Variants in ABCC12 observed in about 807,000 individuals in gnomAD.
The protein encoded by ABCC12 is ATP binding cassette subfamily C member 12, also known as ATP-binding cassette sub-family C member 12.
ABCC12 carries 142 observed loss-of-function variants against 151.1 expected under a neutral mutation model. That is an observed-to-expected ratio of 0.94 (90% CI 0.82 to 1.08). The LOEUF is 1.08. Among genes scored for constraint, ABCC12 ranks in the 50% least tolerant of loss-of-function variants. The pLI, the probability that ABCC12 is intolerant of heterozygous loss-of-function variation, is 0.00. For missense variants in ABCC12, 1,638 were observed against 1,691.1 expected, an observed-to-expected ratio of 0.97 and a Z score of 0.55; for synonymous variants, 645 against 646.4, an observed-to-expected ratio of 1.00 and a Z score of 0.03.
chr16:48,133,544 A>AAG, intron 9 of ABCC12, 143 bp downstream of exon 9: 1 of 896,748 alleles, frequency 1.1e-6, no homozygotes, highest in Non-Finnish European at 1.6e-6. Context: ...AAAAAAAAAA[A>AAG]GTTGGAGTTG....
chr16:48,128,510 T>C lies in ABCC12; in HGVS notation c.1464A>G (p.Gln488=), dbSNP rs1964313803. The change falls in exon 11 of 31, where the codon CAA becomes CAG. Residue 488 remains glutamine, a synonymous_variant. Coordinates refer to ENST00000311303, the MANE Select transcript of ABCC12 (RefSeq NM_001393797.1). ...GCAGAACCGATTTGAGGCTGTCACT[T>C]TGCTCCTCTGGGCCAGTGGCTCCCT... ...PAKGATGPEE[Q]SDSLKSVLHS... 3 of 1,614,240 alleles carry C rather than the reference T, an allele frequency of 1.9e-6. No homozygotes were observed. Among genetic ancestry groups the C allele is most frequent in the Non-Finnish European group, 2.5e-6 (3 of 1,180,046 alleles).
intron 2 of ABCC12, among the ~76,000 whole-genome samples, chr16:48,151,336 A>G (rs1210969131): frequency 2.0e-5 from 3 of 152,242 alleles, no homozygotes; most frequent in Non-Finnish European, 4.4e-5. Context: ...ACTCCTCAAA[A>G]CTGTCAAGGT....
intron 12 of ABCC12, 87 bp downstream of exon 12, chr16:48,124,126 A>ACG (rs1964159839): frequency 7.1e-7 from 1 of 1,406,736 alleles, no homozygotes; most frequent in Admixed American, 1.7e-5. Context: ...AGCCGAGGCC[A>ACG]TCTGCTGGGT....
intron 22 of ABCC12, among the ~76,000 whole-genome samples, chr16:48,101,887 G>A (rs1963320407): frequency 6.6e-6 from 1 of 152,152 alleles, no homozygotes; most frequent in Non-Finnish European, 1.5e-5. Context: ...ATGACATCCA[G>A]GACTTGCTTT....
intron 13 of ABCC12, chr16:48,121,148 A>G (rs1964053567): frequency 6.6e-6 from 1 of 152,224 alleles, no homozygotes; most frequent in African/African-American, 2.4e-5. Flanking sequence ...TCAAAACACA[A>G]AAGTGTACCC....
chr16:48,088,692 A>G lies in ABCC12; in HGVS notation c.3328T>C (p.Cys1110Arg), dbSNP rs2150582846. 6.2e-7 allele frequency: 1 copy of G among 1,614,028 alleles called. No individual in the cohort carries two copies. The highest frequency in any genetic ancestry group is 2.2e-5 in the East Asian group (1 of 44,884). Reference protein sequence around the residue: ...ECTHPLKVGTCPKDWPSRGEI... With the variant: ...ECTHPLKVGTRPKDWPSRGEI... Reference sequence around the variant, plus strand: ...CCACGGCTGGGCCAGTCCTTGGGACAGGTCCCCACTTTGAGGGGATGAGTG... The same window carrying G: ...CCACGGCTGGGCCAGTCCTTGGGACGGGTCCCCACTTTGAGGGGATGAGTG... The change falls in exon 26 of 31, where the codon TGT becomes CGT. Residue 1110 changes from cysteine (C) to arginine (R), a missense_variant. Transcript: ENST00000311303.
intron 1 of ABCC12, among the ~76,000 whole-genome samples, chr16:48,155,066 C>T (rs1965166346): frequency 6.6e-6 from 1 of 152,240 alleles, no homozygotes; most frequent in African/African-American, 2.4e-5. Flanking sequence ...GCACCTGTGG[C>T]AGCCAGATCA....
At chr16:48,150,238 G>A (rs1039911607) in intron 2 of ABCC12, among the ~76,000 whole-genome samples, 43 of 152,018 alleles carry the variant, frequency 2.8e-4, no homozygotes, top group African/African-American at 9.4e-4. Context: ...TTCAATCTAG[G>A]AAAACACAAG....
chr16:48,108,160 A>G (rs187529214), intron 19 of ABCC12, among the ~76,000 whole-genome samples: 1 of 152,232 alleles, frequency 6.6e-6, no homozygotes, highest in Admixed American at 6.5e-5. Flanking sequence ...CCACTGCTGT[A>G]CAGAGCAACT....
chr16:48,122,272 C>T (rs1964098012), intron 12 of ABCC12, among the ~76,000 whole-genome samples: 1 of 152,234 alleles, frequency 6.6e-6, no homozygotes, highest in South Asian at 2.1e-4. Context: ...GGGTGTTGGC[C>T]TTGGCACACC....
At chr16:48,104,641 G>A (rs551171703) in intron 21 of ABCC12, among the ~76,000 whole-genome samples, 5 of 152,322 alleles carry the variant, frequency 3.3e-5, no homozygotes, top group South Asian at 2.1e-4. Context: ...AGCCTGAGAC[G>A]GGAGAGGCTG....
intron 27 of ABCC12, chr16:48,087,423 T>C (rs1336573354): frequency 6.4e-6 from 1 of 156,068 alleles, no homozygotes; most frequent in Admixed American, 6.2e-5. Flanking sequence ...TGCCTTGATA[T>C]CAGATCTGGA....
At chr16:48,105,045 C>G in intron 21 of ABCC12, 94 bp downstream of exon 21, 1 of 1,430,868 alleles carries the variant, frequency 7.0e-7, no homozygotes, top group Non-Finnish European at 9.8e-7. Context: ...TCTGGCTGTC[C>G]CCAGAGCCCA....
chr16:48,100,708 G>A (rs958528304), intron 23 of ABCC12, among the ~76,000 whole-genome samples, 164 bp downstream of exon 23: 2 of 152,212 alleles, frequency 1.3e-5, no homozygotes, highest in Non-Finnish European at 2.9e-5. Context: ...GATGCTGGAA[G>A]AGAGGCTGTG....
At chr16:48,126,977 C>CG (rs1469272311) in intron 11 of ABCC12, among the ~76,000 whole-genome samples, 4 of 151,990 alleles carry the variant, frequency 2.6e-5, no homozygotes, top group African/African-American at 9.7e-5. Flanking sequence ...GAAGGCAGGG[C>CG]GGGGGGAAGT....
intron 24 of ABCC12, among the ~76,000 whole-genome samples, chr16:48,095,342 C>T (rs1298134298): frequency 7.3e-6 from 1 of 136,918 alleles, no homozygotes; most frequent in Non-Finnish European, 1.5e-5. Flanking sequence ...GCCTCCCCAG[C>T]CACGTGGAAC....
At chr16:48,103,130 G>A (rs1963364485) in intron 22 of ABCC12, among the ~76,000 whole-genome samples, 1 of 152,188 alleles carries the variant, frequency 6.6e-6, no homozygotes, top group Admixed American at 6.5e-5. Flanking sequence ...CCTGTGCACA[G>A]GTGAAAGCAA....
chr16:48,128,243 A>T (rs1463264823), intron 11 of ABCC12, among the ~76,000 whole-genome samples: 1 of 152,186 alleles, frequency 6.6e-6, no homozygotes, highest in Non-Finnish European at 1.5e-5. Flanking sequence ...TGCAAATCAG[A>T]ATGAATATAA....
In ABCC12 at chr16:48,104,325, C is replaced by G; in HGVS notation, c.2717G>C (p.Gly906Ala). Residue 906 changes from glycine (G) to alanine (A), a missense_variant, in exon 22 of 31, where the codon GGC becomes GCC. Transcript: ENST00000311303. ...CTTGGAAAAACGGTTCATTAGCCTG[C>G]CAGTGGGAGTCGTGTCAAAGAAACT... is the stretch of plus-strand genomic sequence containing the variant. ...PMSFFDTTPT[G>A]RLMNRFSKDM... is the part of the protein sequence containing the mutation. The G allele has an allele frequency of 6.2e-7, 1 of 1,614,204 alleles. No homozygotes were observed. Among genetic ancestry groups the G allele is most frequent in the Non-Finnish European group, 8.5e-7 (1 of 1,180,042 alleles).
Sources: gnomAD v4.1 joint callset for allele counts (sites outside exome capture counted in the v4.1 genomes callset) on GRCh38, gnomAD v4.1.1 for gene constraint, MANE v1.5 for transcripts, NCBI Gene and HGNC (gene_info 2026-07-23, HGNC 2026-07-21) for gene names.